The following SGCZ variants were observed in gnomAD, a reference collection of about 807,000 sequenced individuals.
The protein encoded by SGCZ is zeta-sarcoglycan.
A neutral mutation model predicts 41.3 loss-of-function variants in SGCZ; 40 were observed. The observed-to-expected ratio is 0.97, with a 90% CI of 0.75 to 1.26. The LOEUF (loss-of-function observed/expected upper bound fraction) is 1.26. Ranked by LOEUF, SGCZ falls within the 50% of genes most tolerant of loss-of-function variation. The pLI, the probability that SGCZ is intolerant of heterozygous loss-of-function variation, is 0.00. For synonymous variants in SGCZ, 206 were observed against 137.5 expected, an observed-to-expected ratio of 1.50 and a Z score of -3.49; for missense variants, 552 against 369.8, an observed-to-expected ratio of 1.49 and a Z score of -4.04.
chr8:15,054,281 A>T (rs1365533597), intron 1 of SGCZ, among the ~76,000 whole-genome samples: 1 of 152,176 alleles, frequency 6.6e-6, no homozygotes, highest in East Asian at 1.9e-4. Context: ...TTCCCTTCTG[A>T]TGTTAATTCA....
At chr8:15,129,871 A>T (rs1711915844) in intron 1 of SGCZ, among the ~76,000 whole-genome samples, 1 of 152,028 alleles carries the variant, frequency 6.6e-6, no homozygotes, top group Admixed American at 6.6e-5. Context: ...GTGTCCTCAG[A>T]CAGTCACCAC....
At chr8:15,066,348 C>A (rs1428045394) in intron 1 of SGCZ, among the ~76,000 whole-genome samples, 1 of 150,310 alleles carries the variant, frequency 6.7e-6, no homozygotes. Context: ...GTCCACCTTA[C>A]TTTTCACTCT....
At chr8:14,375,510 G>A (rs1167228243) in intron 2 of SGCZ, among the ~76,000 whole-genome samples, 1 of 152,070 alleles carries the variant, frequency 6.6e-6, no homozygotes, top group Non-Finnish European at 1.5e-5. Context: ...GTAGCATAAA[G>A]TCGAATAATT....
intron 2 of SGCZ, among the ~76,000 whole-genome samples, chr8:14,494,071 G>T (rs771311154): frequency 2.0e-5 from 3 of 152,144 alleles, no homozygotes; most frequent in Non-Finnish European, 4.4e-5. Flanking sequence ...TAAAATATTT[G>T]TTCGCGTGTT....
chr8:14,992,962 C>T (rs1318514656), intron 1 of SGCZ, among the ~76,000 whole-genome samples: 2 of 151,602 alleles, frequency 1.3e-5, no homozygotes, highest in African/African-American at 2.4e-5. Flanking sequence ...CCCACCCATC[C>T]TCCTCCTTCA....
intron 2 of SGCZ, among the ~76,000 whole-genome samples, chr8:14,343,544 A>G (rs1166586378): frequency 6.6e-6 from 1 of 152,212 alleles, no homozygotes; most frequent in Non-Finnish European, 1.5e-5. Context: ...ATTTAAATAT[A>G]TAAGAATTTC....
At chr8:15,009,502 C>T (rs566817724) in intron 1 of SGCZ, among the ~76,000 whole-genome samples, 2 of 152,182 alleles carry the variant, frequency 1.3e-5, no homozygotes, top group South Asian at 4.1e-4. Context: ...TAGACAGAGC[C>T]AGTTCAGCTT....
At chr8:14,803,609 A>T (rs1309192021) in intron 1 of SGCZ, among the ~76,000 whole-genome samples, 1 of 152,110 alleles carries the variant, frequency 6.6e-6, no homozygotes, top group Admixed American at 6.5e-5. Context: ...TTGCTAGCAC[A>T]GCAGTCTGAG....
At chr8:14,718,856 T>TTTA (rs1357008195) in intron 1 of SGCZ, among the ~76,000 whole-genome samples, 3 of 137,954 alleles carry the variant, frequency 2.2e-5, no homozygotes, top group South Asian at 2.2e-4. Context: ...TATATATATT[T>TTTA]TTATTATTAT....
At chr8:14,204,288 T>TC (rs1805549149) in intron 4 of SGCZ, among the ~76,000 whole-genome samples, 1 of 151,556 alleles carries the variant, frequency 6.6e-6, no homozygotes, top group Non-Finnish European at 1.5e-5. Flanking sequence ...ATGTTTTTTT[T>TC]TTTTTCTTGC....
intron 1 of SGCZ, among the ~76,000 whole-genome samples, chr8:14,957,878 T>C (rs919156117): frequency 3.3e-5 from 5 of 152,076 alleles, no homozygotes; most frequent in Admixed American, 6.6e-5. Context: ...CGTAAGTAAA[T>C]GTTCATTCAT....
chr8:14,454,424 G>C (rs1800684690), intron 2 of SGCZ, among the ~76,000 whole-genome samples: 1 of 152,104 alleles, frequency 6.6e-6, no homozygotes, highest in African/African-American at 2.4e-5. Flanking sequence ...ATATTTGATA[G>C]TCATTTCTTA....
At chr8:14,435,449 C>A (rs911406436) in intron 2 of SGCZ, among the ~76,000 whole-genome samples, 10 of 152,138 alleles carry the variant, frequency 6.6e-5, no homozygotes, top group African/African-American at 2.2e-4. Context: ...TGGCTCCCTT[C>A]TCTTGAATTT....
intron 3 of SGCZ, among the ~76,000 whole-genome samples, chr8:14,271,325 A>C (rs1414359806): frequency 2.0e-5 from 3 of 152,198 alleles, no homozygotes; most frequent in Non-Finnish European, 4.4e-5. Context: ...CAGCCTAAAA[A>C]CTTTAGATGA....
chr8:14,611,926 A>T (rs533625774), intron 1 of SGCZ, among the ~76,000 whole-genome samples: 1 of 152,314 alleles, frequency 6.6e-6, no homozygotes, highest in South Asian at 2.1e-4. Context: ...TGTAAAATAC[A>T]GGTAAATATG....
At chr8:14,757,097 G>A (rs1045858424) in intron 1 of SGCZ, among the ~76,000 whole-genome samples, 3 of 152,060 alleles carry the variant, frequency 2.0e-5, no homozygotes, top group African/African-American at 4.8e-5. Flanking sequence ...CACCTAGGCT[G>A]GAGTGCAATG....
chr8:14,253,632 T>C (rs928716053), intron 3 of SGCZ, among the ~76,000 whole-genome samples: 1 of 152,112 alleles, frequency 6.6e-6, no homozygotes, highest in African/African-American at 2.4e-5. Flanking sequence ...AGGTATCTAA[T>C]GAGAACTTCT....
chr8:14,824,312 G>A (rs1259598125), intron 1 of SGCZ, among the ~76,000 whole-genome samples: 2 of 151,902 alleles, frequency 1.3e-5, no homozygotes, highest in Non-Finnish European at 2.9e-5. Context: ...ACCGATTATT[G>A]GATCATTATA....
At chr8:14,290,147 G>C (rs187285613) in intron 3 of SGCZ, among the ~76,000 whole-genome samples, 1 of 152,018 alleles carries the variant, frequency 6.6e-6, no homozygotes, top group East Asian at 1.9e-4. Flanking sequence ...ACTGTATTAA[G>C]AACAAAATTA....
Sources: gnomAD v4.1 joint callset for allele counts (sites outside exome capture counted in the v4.1 genomes callset) on GRCh38, gnomAD v4.1.1 for gene constraint, MANE v1.5 for transcripts, NCBI Gene and HGNC (gene_info 2026-07-23, HGNC 2026-07-21) for gene names.